BMP6: variants seen among roughly 807,000 people sequenced by gnomAD.
BMP6 encodes the protein bone morphogenetic protein 6.
BMP6 carries 17 observed loss-of-function variants against 54.1 expected under a neutral mutation model. That is an observed-to-expected ratio of 0.31 (90% CI 0.22 to 0.47). The LOEUF is 0.47. BMP6 is among the 20% of genes least tolerant of loss of function. BMP6 has a pLI of 1.00. For synonymous variants in BMP6, 328 were observed against 291.2 expected, an observed-to-expected ratio of 1.13 and a Z score of -1.28; for missense variants, 720 against 690.4, an observed-to-expected ratio of 1.04 and a Z score of -0.48.
At chr6:7,802,332 C>G (rs944637880) in intron 1 of BMP6, among the ~76,000 whole-genome samples, 2 of 152,164 alleles carry the variant, frequency 1.3e-5, no homozygotes, top group Non-Finnish European at 2.9e-5. Flanking sequence ...GACCTCTGTT[C>G]TCAGCACCAG....
chr6:7,743,215 C>T (rs1757295104), intron 1 of BMP6, among the ~76,000 whole-genome samples: 1 of 152,188 alleles, frequency 6.6e-6, no homozygotes, highest in Non-Finnish European at 1.5e-5. Flanking sequence ...AGTGTATACT[C>T]CCTCTACCCC....
At chr6:7,760,818 A>G (rs138814141) in intron 1 of BMP6, among the ~76,000 whole-genome samples, 1 of 152,272 alleles carries the variant, frequency 6.6e-6, no homozygotes, top group Non-Finnish European at 1.5e-5. Flanking sequence ...AATAAAAGTT[A>G]AAGTAAAGTT....
chr6:7,871,128 C>T (rs1261099607), intron 4 of BMP6, among the ~76,000 whole-genome samples: 1 of 152,132 alleles, frequency 6.6e-6, no homozygotes, highest in Non-Finnish European at 1.5e-5. Flanking sequence ...AATATTTTAT[C>T]ATGGTTTTTG....
chr6:7,864,946 G>A (rs1311890708), intron 4 of BMP6, among the ~76,000 whole-genome samples: 1 of 152,174 alleles, frequency 6.6e-6, no homozygotes, highest in African/African-American at 2.4e-5. Flanking sequence ...ATGGAAGTCT[G>A]CCAATGGTAG....
chr6:7,824,853 T>C (rs536522858), intron 1 of BMP6, among the ~76,000 whole-genome samples: 1 of 152,342 alleles, frequency 6.6e-6, no homozygotes, highest in African/African-American at 2.4e-5. Context: ...TGTCAGTGTT[T>C]CCAGTATTTT....
chr6:7,796,234 G>C (rs988801686), intron 1 of BMP6, among the ~76,000 whole-genome samples: 3 of 152,220 alleles, frequency 2.0e-5, no homozygotes, highest in African/African-American at 7.2e-5. Flanking sequence ...GATCAGTAAT[G>C]TCACATTCTG....
At chr6:7,871,255 T>C (rs931710784) in intron 4 of BMP6, among the ~76,000 whole-genome samples, 2 of 152,244 alleles carry the variant, frequency 1.3e-5, no homozygotes, top group Non-Finnish European at 2.9e-5. Flanking sequence ...AGGAAGGATT[T>C]GGGCTTTTTA....
At chr6:7,803,710 A>G (rs958045892) in intron 1 of BMP6, among the ~76,000 whole-genome samples, 2 of 151,912 alleles carry the variant, frequency 1.3e-5, no homozygotes, top group Non-Finnish European at 2.9e-5. Flanking sequence ...ACTTATGAAT[A>G]CCGCTATATT....
At chr6:7,847,972 T>A (rs1364301391) in intron 2 of BMP6, among the ~76,000 whole-genome samples, 1 of 152,232 alleles carries the variant, frequency 6.6e-6, no homozygotes, top group Admixed American at 6.5e-5. Context: ...ACTCATAGAT[T>A]AGAATGGAAT....
At chr6:7,794,250 A>C (rs190796681) in intron 1 of BMP6, among the ~76,000 whole-genome samples, 35 of 152,290 alleles carry the variant, frequency 2.3e-4, no homozygotes, top group Admixed American at 1.2e-3. Flanking sequence ...AAGTTGGGCC[A>C]TTTGGTTCTC....
Position 7,760,207 on chromosome 6 carries a change from A to G in BMP6, c.664+32588A>G, listed in dbSNP as rs189961312. On this transcript the variant is annotated intron_variant, in intron 1 of 6. Transcript: ENST00000283147. ...CTCCCAAATTGCTGGGATTATAGGA[A>G]TGAGCCAGTGTACCTGACCTTCAAG... Among the ~76,000 whole-genome samples the G allele has an allele frequency of 4.6e-5, 7 of 152,068 alleles. No homozygotes were observed. The East Asian group carries it at 1.4e-3, about 29-fold the overall frequency.
intron 1 of BMP6, among the ~76,000 whole-genome samples, chr6:7,767,329 G>A (rs1358758192): frequency 6.6e-6 from 1 of 152,138 alleles, no homozygotes; most frequent in Non-Finnish European, 1.5e-5. Context: ...ATAAAAGATA[G>A]CAACAATCTT....
intron 1 of BMP6, among the ~76,000 whole-genome samples, chr6:7,757,047 C>T (rs1445880635): frequency 6.6e-6 from 1 of 152,122 alleles, no homozygotes; most frequent in Non-Finnish European, 1.5e-5. Flanking sequence ...AGTATTTAGC[C>T]CTGAAAATTT....
chr6:7,789,509 A>C (rs758829664), intron 1 of BMP6, among the ~76,000 whole-genome samples: 5 of 152,218 alleles, frequency 3.3e-5, no homozygotes, highest in African/African-American at 7.2e-5. Context: ...GGGTAGAAAA[A>C]TGGAAAGAAG....
rs773751065 is a variant in BMP6 at position 7,727,230 on chromosome 6, G to C, written c.275G>C (p.Arg92Pro). ...EILSVLGLPH[R>P]PRPLHGLQQP... is the part of the protein sequence containing the mutation. ...TTGTCGGTGCTGGGGCTCCCGCACC[G>C]GCCCCGGCCCCTGCACGGCCTCCAA... The change falls in exon 1 of 7, where the codon CGG becomes CCG. Residue 92 changes from arginine (R) to proline (P), a missense_variant. By Grantham distance (103) the Arg-to-Pro change is moderately radical. Around this residue, in one of 3 missense-constraint regions of BMP6, gnomAD observed 650 missense variants for 556.3 expected, o/e 1.17. Transcript: ENST00000283147. 3.1e-6 allele frequency: 5 copies of C among 1,605,862 alleles called. No individual in the cohort carries two copies. In the South Asian group the frequency reaches 5.5e-5, roughly 18 times the overall value.
At chr6:7,781,985 G>A (rs1757955347) in intron 1 of BMP6, among the ~76,000 whole-genome samples, 1 of 151,462 alleles carries the variant, frequency 6.6e-6, no homozygotes, top group Admixed American at 6.6e-5. Flanking sequence ...ATCACACTTG[G>A]AAGGGATGGA....
rs1223184543 is a variant in BMP6, at chr6:7,881,610, A to C, written c.*1267A>C. 2.1e-5 allele frequency: 3 copies of C among 141,684 alleles called. No individual in the cohort carries two copies. Among genetic ancestry groups the C allele is most frequent in the Admixed American group, 1.3e-4 (2 of 14,846 alleles). 8.8% of individuals were successfully genotyped at this position (141,684 alleles called of 1,614,324 possible). A position where few individuals can be genotyped will look rare whatever the true frequency, so the allele number is the denominator to read the frequency against. ...TCTTGGAATACAAGACTCGTGATGC[A>C]AAGCTGAAGTTGTGTGTACAAGACT... is the stretch of plus-strand genomic sequence containing the variant. On this transcript the variant is annotated 3_prime_UTR_variant, in exon 7 of 7. Transcript: ENST00000283147.
chr6:7,821,605 A>G (rs1758612516), intron 1 of BMP6, among the ~76,000 whole-genome samples: 1 of 152,222 alleles, frequency 6.6e-6, no homozygotes, highest in Non-Finnish European at 1.5e-5. Context: ...GTTTGGGATC[A>G]TGTCCCAGTT....
chr6:7,808,544 A>C lies in BMP6; in HGVS notation c.665-36596A>C, dbSNP rs568369628. On this transcript the variant is annotated intron_variant, in intron 1 of 6. Coordinates refer to ENST00000283147, the MANE Select transcript of BMP6 (RefSeq NM_001718.6). Reference sequence around the variant, plus strand: ...TCTTAGGACATGGGAAGTCTAAAGAAGATTTGGATGTTCCCCGAAACGCTT... The same window carrying C: ...TCTTAGGACATGGGAAGTCTAAAGACGATTTGGATGTTCCCCGAAACGCTT... Among the ~76,000 whole-genome samples the C allele has an allele frequency of 4.6e-5, 7 of 152,332 alleles. No homozygotes were observed. In the East Asian group the frequency reaches 1.4e-3, roughly 29 times the overall value.
Sources: gnomAD v4.1 joint callset for allele counts (sites outside exome capture counted in the v4.1 genomes callset) on GRCh38, gnomAD v4.1.1 for gene constraint, gnomAD v4.1.1 regional missense constraint, MANE v1.5 for transcripts, NCBI Gene and HGNC (gene_info 2026-07-23, HGNC 2026-07-21) for gene names.